CACNA1D: variants seen among roughly 807,000 people sequenced by gnomAD.
CACNA1D encodes voltage-dependent L-type calcium channel subunit alpha-1D.
In CACNA1D, 55 loss-of-function variants were observed where a neutral mutation model predicts 257.1. The observed-to-expected ratio is 0.21, with a 90% CI of 0.17 to 0.27. The LOEUF (loss-of-function observed/expected upper bound fraction) is 0.27. CACNA1D is among the 10% of genes least tolerant of loss of function. CACNA1D has a pLI of 1.00. For missense variants in CACNA1D, 1,876 were observed against 2,784.0 expected, an observed-to-expected ratio of 0.67 and a Z score of 7.34; for synonymous variants, 980 against 1,014.9, an observed-to-expected ratio of 0.97 and a Z score of 0.65.
At chr3:53,729,629 A>G (rs1407043934) in intron 15 of CACNA1D, among the ~76,000 whole-genome samples, 1 of 152,256 alleles carries the variant, frequency 6.6e-6, no homozygotes, top group Non-Finnish European at 1.5e-5. Flanking sequence ...AAAACATTCA[A>G]GAAAGCCATG....
intron 34 of CACNA1D, among the ~76,000 whole-genome samples, chr3:53,775,174 T>G (rs182677197): frequency 1.3e-5 from 2 of 152,338 alleles, no homozygotes; most frequent in East Asian, 3.9e-4. Flanking sequence ...CATGAAGTAT[T>G]TCTAATGACT....
intron 20 of CACNA1D, among the ~76,000 whole-genome samples, chr3:53,738,686 A>G (rs1576512757): frequency 6.6e-6 from 1 of 152,036 alleles, no homozygotes; most frequent in South Asian, 2.1e-4. Context: ...ATAGATGTAC[A>G]TATGTGTATG....
At chr3:53,718,601 C>CCCCCCAA in intron 10 of CACNA1D, 1 of 1,103,192 alleles carries the variant, frequency 9.1e-7, no homozygotes, top group Non-Finnish European at 1.3e-6. Flanking sequence ...CCCCCCGGCC[C>CCCCCCAA]AGCATTTCAC....
rs546365851 is a variant in CACNA1D, at chr3:53,719,079, G to C, written c.1479-676G>C. Among the ~76,000 whole-genome samples the C allele has an allele frequency of 3.1e-4, 47 of 152,254 alleles. 1 individual carries two copies. The highest frequency in any genetic ancestry group is 7.7e-4 in the African/African-American group (32 of 41,534). On this transcript the variant is annotated intron_variant, in intron 10 of 47. Coordinates refer to ENST00000350061, the MANE Select transcript of CACNA1D (RefSeq NM_001128840.3). ...GAATGTGCTGGGCACTGTCTGCCGTGGGGGAGCCCTGTGCGGTTTGGTTTT... is the reference window on the plus strand; with the variant it reads ...GAATGTGCTGGGCACTGTCTGCCGTCGGGGAGCCCTGTGCGGTTTGGTTTT...
chr3:53,612,201 AT>A (rs2093590813), intron 3 of CACNA1D, among the ~76,000 whole-genome samples: 1 of 152,126 alleles, frequency 6.6e-6, no homozygotes, highest in African/African-American at 2.4e-5. Flanking sequence ...CTGTTTAGTA[AT>A]TTTCCAAAAA....
At chr3:53,642,258 T>TC (rs1266548715) in intron 3 of CACNA1D, among the ~76,000 whole-genome samples, 1 of 152,104 alleles carries the variant, frequency 6.6e-6, no homozygotes, top group Non-Finnish European at 1.5e-5. Flanking sequence ...CATCTCTATG[T>TC]CCCCCTGGCA....
chr3:53,772,974 C>A, intron 33 of CACNA1D, 76 bp downstream of exon 33: 1 of 1,184,674 alleles, frequency 8.4e-7, no homozygotes, highest in Non-Finnish European at 1.3e-6. Flanking sequence ...GTACCCTGAC[C>A]AAGTGAAGTA....
At chr3:53,612,971 C>G (rs1047922660) in intron 3 of CACNA1D, among the ~76,000 whole-genome samples, 4 of 152,112 alleles carry the variant, frequency 2.6e-5, no homozygotes, top group African/African-American at 9.7e-5. Context: ...GCAGTCGTCA[C>G]CTTTTTAAAG....
chr3:53,630,461 C>T (rs945155881), intron 3 of CACNA1D, among the ~76,000 whole-genome samples: 9 of 152,208 alleles, frequency 5.9e-5, no homozygotes, highest in Admixed American at 2.0e-4. Context: ...CTTTTGCACT[C>T]GTATCTCATT....
intron 20 of CACNA1D, 87 bp from the exon 21 acceptor site, chr3:53,740,193 C>A: frequency 3.1e-6 from 3 of 966,428 alleles, no homozygotes; most frequent in Non-Finnish European, 5.1e-6. Context: ...GGGTCTCTGA[C>A]TGGATCGGGG....
At chr3:53,761,941 G>A (rs1234436781) in intron 29 of CACNA1D, 57 bp from the exon 30 acceptor site, 9 of 1,225,696 alleles carry the variant, frequency 7.3e-6, no homozygotes, top group East Asian at 2.3e-5. Context: ...TATACGGTCC[G>A]TGTGGTGGGT....
chr3:53,714,208 C>T (rs1033459639), intron 9 of CACNA1D, among the ~76,000 whole-genome samples: 1 of 152,088 alleles, frequency 6.6e-6, no homozygotes, highest in African/African-American at 2.4e-5. Context: ...TGCAGATGGC[C>T]CCTGGTGCTT....
chr3:53,808,518 C>A, intron 45 of CACNA1D, 131 bp from the exon 46 acceptor site: 1 of 1,114,732 alleles, frequency 9.0e-7, no homozygotes, highest in South Asian at 1.3e-5. Context: ...ACTACCTAAT[C>A]TTTCTCTTGG....
At chr3:53,685,598 G>A (rs1161935778) in intron 8 of CACNA1D, among the ~76,000 whole-genome samples, 4 of 152,060 alleles carry the variant, frequency 2.6e-5, no homozygotes, top group Admixed American at 6.5e-5. Context: ...ATTACCTCTC[G>A]ATTGAAATTT....
intron 8 of CACNA1D, among the ~76,000 whole-genome samples, chr3:53,696,142 T>A (rs911538505): frequency 2.6e-5 from 4 of 152,070 alleles, no homozygotes; most frequent in African/African-American, 9.7e-5. Flanking sequence ...TTAAAAAAAA[T>A]TATTTTGTAG....
At chr3:53,808,096 G>A (rs1041116631) in intron 45 of CACNA1D, 3 of 161,412 alleles carry the variant, frequency 1.9e-5, no homozygotes, top group South Asian at 1.8e-4. Context: ...CTTCTGACTC[G>A]GATCAGTTGC....
chr3:53,769,978 T>C lies in CACNA1D; in HGVS notation c.3876T>C (p.Thr1292=). Residue 1292 remains threonine (T), a synonymous_variant, in exon 31 of 48, where the codon ACT becomes ACC. Coordinates refer to ENST00000350061, the MANE Select transcript of CACNA1D (RefSeq NM_001128840.3). ...CAATCTTTGATTTCTTAAAGCCAACTGAAAGTGAAAATGTCCCTGTCCCAA... is the reference window on the plus strand; with the variant it reads ...CAATCTTTGATTTCTTAAAGCCAACCGAAAGTGAAAATGTCCCTGTCCCAA... The part of the protein sequence containing the change: ...IDVALSEADP[T]ESENVPVPTA... 6.2e-7 allele frequency: 1 copy of C among 1,612,636 alleles called. No individual in the cohort carries two copies. The highest frequency in any genetic ancestry group is 8.5e-7 in the Non-Finnish European group (1 of 1,178,574).
chr3:53,787,095 T>C (rs1238256098), intron 40 of CACNA1D, 143 bp downstream of exon 40: 8 of 832,856 alleles, frequency 9.6e-6, no homozygotes, highest in African/African-American at 3.4e-5. Flanking sequence ...CCCCCAAATG[T>C]GGACTAGCCA....
chr3:53,699,662 C>T (rs1263397988), intron 8 of CACNA1D, among the ~76,000 whole-genome samples: 1 of 152,216 alleles, frequency 6.6e-6, no homozygotes, highest in African/African-American at 2.4e-5. Context: ...ACTGTATAAA[C>T]CTCACCTCTG....
Sources: allele counts gnomAD v4.1 joint callset (sites outside exome capture counted in the v4.1 genomes callset), GRCh38; gene constraint gnomAD v4.1.1; transcripts MANE v1.5; gene names NCBI Gene and HGNC (gene_info 2026-07-23, HGNC 2026-07-21).